The following PLAUR variants were observed in gnomAD, a reference collection of about 807,000 sequenced individuals.
The protein encoded by PLAUR is plasminogen activator, urokinase receptor, also known as urokinase plasminogen activator surface receptor.
PLAUR carries 22 observed loss-of-function variants against 33.4 expected under a neutral mutation model. The ratio of observed to expected loss-of-function variants is 0.66; its 90% confidence interval spans 0.47 to 0.94. The LOEUF is 0.94. Ranked by LOEUF, PLAUR falls within the 40% of genes least tolerant of loss-of-function variation. The pLI is 0.00. For synonymous variants in PLAUR, 148 were observed against 167.3 expected (o/e 0.88, Z 0.89); for missense variants, 408 against 434.7 (o/e 0.94, Z 0.55).
chr19:43,670,081 G>A lies in PLAUR; in HGVS notation c.40C>T (p.His14Tyr). ...PPLLPLLLLL[H>Y]TCVPASWGLR... Reference sequence around the variant, plus strand: ...CAGCCCCTACCTGGGACGCAGGTGTGGAGCAGCAGCAGCAGCGGCAGCAGC... The same window carrying A: ...CAGCCCCTACCTGGGACGCAGGTGTAGAGCAGCAGCAGCAGCGGCAGCAGC... Residue 14 changes from histidine to tyrosine, a missense_variant, in exon 1 of 7, where the codon CAC becomes TAC. His to Tyr is a moderately conservative substitution (Grantham distance 83, BLOSUM62 2). Coordinates refer to ENST00000340093, the MANE Select transcript of PLAUR (RefSeq NM_002659.4). The A allele has an allele frequency of 6.2e-7, 1 of 1,613,304 alleles. No homozygotes were observed.
chr19:43,655,676 C>T (rs1469054055), intron 4 of PLAUR, 103 bp from the exon 5 acceptor site: 19 of 1,038,776 alleles, frequency 1.8e-5, no homozygotes, highest in Non-Finnish European at 2.5e-5. Context: ...CTACTTCACC[C>T]TTCATCATAA....
downstream of PLAUR, chr19:43,648,444 C>A (rs1478103762): frequency 8.7e-6 from 2 of 229,224 alleles, no homozygotes; most frequent in Admixed American, 6.5e-5. Context: ...GATGTGGAGG[C>A]AGCCCCCAGG....
chr19:43,658,842 G>A (rs770214780), intron 3 of PLAUR, among the ~76,000 whole-genome samples: 5 of 152,238 alleles, frequency 3.3e-5, no homozygotes, highest in South Asian at 2.1e-4. Context: ...GGCCACCCAC[G>A]TCTTCTCACA....
chr19:43,655,339 C>T, intron 5 of PLAUR, 100 bp downstream of exon 5: 2 of 1,168,756 alleles, frequency 1.7e-6, no homozygotes, highest in Non-Finnish European at 2.4e-6. Flanking sequence ...AAACAGAGGC[C>T]CAGAGAGGAC....
chr19:43,665,843 T>G (rs1471607639), intron 2 of PLAUR, among the ~76,000 whole-genome samples: 4 of 149,060 alleles, frequency 2.7e-5, no homozygotes, highest in Non-Finnish European at 4.4e-5. Flanking sequence ...TTTAAATTTT[T>G]TATACAGATG....
rs775421246 is a variant in PLAUR, at chr19:43,667,592, C to CGCACGATCGTGGTCCT, written c.139_154dup (p.Arg52GlnfsTer82). ...GGGGGGAAGCTCACCTTCCCACAAG[C>CGCACGATCGTGGTCCT]GCACGATCGTGGTCCTGCAGAGGTC... On this transcript the variant is annotated frameshift_variant, in exon 2 of 7. Transcript: ENST00000340093. 1 of 1,612,604 alleles carries CGCACGATCGTGGTCCT rather than the reference C, an allele frequency of 6.2e-7. No individual in the cohort carries two copies. Among genetic ancestry groups the CGCACGATCGTGGTCCT allele is most frequent in the Non-Finnish European group, 8.5e-7 (1 of 1,178,728 alleles).
chr19:43,646,202 G>A (rs913695846), downstream of PLAUR: 2 of 362,306 alleles, frequency 5.5e-6, no homozygotes, highest in Non-Finnish European at 1.0e-5. Context: ...CCCTCCCAAA[G>A]TGCTAGGACT....
Position 43,670,156 on chromosome 19 carries a change from A to C in PLAUR, c.-36T>G, listed in dbSNP as rs377296256. ...CAGCTCCTGTGCGCGGGGTCCCTGCACGTCTTCTCTCCTTCTGGCCTCAGG... is the reference window on the plus strand; with the variant it reads ...CAGCTCCTGTGCGCGGGGTCCCTGCCCGTCTTCTCTCCTTCTGGCCTCAGG... On this transcript the variant is annotated 5_prime_UTR_variant, in exon 1 of 7. Transcript: ENST00000340093. 101 of 1,602,546 alleles carry C rather than the reference A, an allele frequency of 6.3e-5. No individual in the cohort carries two copies. In the African/African-American group the frequency reaches 1.2e-3, roughly 20 times the overall value.
In PLAUR at chr19:43,656,740, C is replaced by T. The variant is rs536418160; in HGVS notation, c.311-100G>A. On this transcript the variant is annotated intron_variant, in intron 3 of 6. Transcript: ENST00000340093. The stretch of plus-strand genomic sequence containing the variant: ...CAAAATCAATTCCTCCTTATCCCAC[C>T]CTGCAGCCAGTCATTGAGCCCTGCC... 1.4e-5 allele frequency: 14 copies of T among 970,436 alleles called. 1 individual carries two copies. The South Asian group carries it at 1.5e-4, about 11-fold the overall frequency. The allele number at this position is 970,436 out of a possible 1,614,324, so 60.1% of individuals were successfully genotyped here.
chr19:43,651,031 CA>C (rs747441567), intron 6 of PLAUR, among the ~76,000 whole-genome samples: 3,660 of 85,236 alleles, frequency 0.043, 119 homozygotes, highest in African/African-American at 0.12. Context: ...GACTCCATTT[CA>C]AAAAAAAAAA....
At chr19:43,650,316 T>G (rs988699287) in intron 6 of PLAUR, among the ~76,000 whole-genome samples, 1 of 148,538 alleles carries the variant, frequency 6.7e-6, no homozygotes, top group Non-Finnish European at 1.5e-5. Flanking sequence ...GCTGGTTTTT[T>G]TTTTGTTGTT....
intron 3 of PLAUR, among the ~76,000 whole-genome samples, chr19:43,663,704 C>A (rs566056020): frequency 6.6e-6 from 1 of 151,158 alleles, no homozygotes; most frequent in Non-Finnish European, 1.5e-5. Context: ...TCGCTCGAGC[C>A]TAGGAGGCGG....
At position 43,670,046 on chromosome 19, in the gene PLAUR, G is replaced by A. The variant is rs976215233; in HGVS notation, c.55+20C>T. 8 of 1,611,992 alleles carry A rather than the reference G, an allele frequency of 5.0e-6. No homozygotes were observed. In the African/African-American group the frequency reaches 9.4e-5, roughly 19 times the overall value. On this transcript the variant is annotated intron_variant, in intron 1 of 6. Coordinates refer to ENST00000340093, the MANE Select transcript of PLAUR (RefSeq NM_002659.4). ...ATTAGACCCTGTTCCAGGCGCAGGC[G>A]TTCGGGACCCAGCCCCTACCTGGGA...
At chr19:43,667,855 C>A (rs1276358553) in intron 1 of PLAUR, 164 bp from the exon 2 acceptor site, 21 of 1,445,522 alleles carry the variant, frequency 1.5e-5, no homozygotes, top group Non-Finnish European at 1.8e-5. Context: ...TCCAGTCTGT[C>A]CGTTGTCCAC....
chr19:43,646,788 C>CTTTTTT (rs71169269), downstream of PLAUR, among the ~76,000 whole-genome samples: 2 of 104,844 alleles, frequency 1.9e-5, no homozygotes, highest in African/African-American at 3.7e-5. Flanking sequence ...TGGAAGATGT[C>CTTTTTT]TTTTTTTTTT....
chr19:43,668,294 T>C (rs1967352536), intron 1 of PLAUR: 1 of 986,682 alleles, frequency 1.0e-6, no homozygotes, highest in Non-Finnish European at 1.2e-6. Flanking sequence ...TCCCGCGAAG[T>C]TCTGTCTCCG....
rs770094338 is a variant in PLAUR, at chr19:43,652,240, C to T, written c.739G>A (p.Ala247Thr). The T allele has an allele frequency of 1.9e-5, 30 of 1,613,998 alleles. No homozygotes were observed. The highest frequency in any genetic ancestry group is 2.4e-5 in the Non-Finnish European group (28 of 1,180,020). ...CRGPMNQCLV[A>T]TGTHEPKNQS... Reference sequence around the variant, plus strand: ...AGGGCCTCACCGTGAGTGCCGGTGGCTACCAGACATTGATTCATGGGGCCT... The same window carrying T: ...AGGGCCTCACCGTGAGTGCCGGTGGTTACCAGACATTGATTCATGGGGCCT... Residue 247 changes from alanine to threonine, a missense_variant, in exon 6 of 7, where the codon GCC becomes ACC. By Grantham distance (58) the Ala-to-Thr change is moderately conservative. Transcript: ENST00000340093.
intron 2 of PLAUR, 52 bp downstream of exon 2, chr19:43,667,529 A>T: frequency 7.9e-7 from 1 of 1,270,862 alleles, no homozygotes; most frequent in Non-Finnish European, 1.2e-6. Flanking sequence ...TTTCTCAATC[A>T]CTCGCGTTCC....
intron 3 of PLAUR, among the ~76,000 whole-genome samples, chr19:43,664,012 C>T (rs981697753): frequency 3.3e-5 from 5 of 152,034 alleles, no homozygotes; most frequent in South Asian, 2.1e-4. Flanking sequence ...GGCCCAGCAG[C>T]GGACTCCAGG....
Sources: gnomAD v4.1 joint callset for allele counts (sites outside exome capture counted in the v4.1 genomes callset) on GRCh38, gnomAD v4.1.1 for gene constraint, MANE v1.5 for transcripts, NCBI Gene and HGNC (gene_info 2026-07-23, HGNC 2026-07-21) for gene names.